The following GPHN variants were observed in gnomAD, a reference collection of about 807,000 sequenced individuals.
GPHN encodes the protein gephyrin.
In GPHN, 17 loss-of-function variants were observed where a neutral mutation model predicts 95.5. The ratio of observed to expected loss-of-function variants is 0.18; its 90% CI spans 0.12 to 0.27. GPHN has a LOEUF of 0.27. Among genes scored for constraint, GPHN ranks in the 10% least tolerant of loss-of-function variants. The pLI, the probability that GPHN is intolerant of heterozygous loss-of-function variation, is 1.00. For missense variants in GPHN, 660 were observed against 978.1 expected (o/e 0.67, Z 4.34); for synonymous variants, 320 against 322.5 (o/e 0.99, Z 0.08).
chr14:66,787,902 AAAGTCTTT>A (rs2059835319), intron 3 of GPHN, among the ~76,000 whole-genome samples: 2 of 151,894 alleles, frequency 1.3e-5, no homozygotes, highest in South Asian at 4.1e-4. Context: ...AAAAAAAGCA[AAAGTCTTT>A]ACGACCTGGG....
At chr14:66,635,108 A>T (rs561384680) in intron 1 of GPHN, among the ~76,000 whole-genome samples, 3 of 152,262 alleles carry the variant, frequency 2.0e-5, no homozygotes, top group Admixed American at 1.3e-4. Flanking sequence ...CAATGTTCAC[A>T]TGTTCTCTTG....
intron 4 of GPHN, among the ~76,000 whole-genome samples, chr14:66,863,668 A>G (rs2063119432): frequency 6.6e-6 from 1 of 152,194 alleles, no homozygotes; most frequent in South Asian, 2.1e-4. Flanking sequence ...AAATTTATAC[A>G]CCTACAGTGA....
chr14:67,512,284 T>G, the GPHN span, among the ~76,000 whole-genome samples: 2 of 152,134 alleles, frequency 1.3e-5, no homozygotes, highest in East Asian at 1.9e-4. Flanking sequence ...CAGCTTACAC[T>G]TTACTTTTCA....
the GPHN span, chr14:67,562,700 C>CA: frequency 6.2e-7 from 1 of 1,612,788 alleles, no homozygotes; most frequent in East Asian, 2.2e-5. Context: ...CTCAGCCCTC[C>CA]ACCCCTCTGG....
At chr14:67,003,084 GT>G (rs1217272811) in intron 9 of GPHN, among the ~76,000 whole-genome samples, 1 of 151,468 alleles carries the variant, frequency 6.6e-6, no homozygotes, top group Non-Finnish European at 1.5e-5. Context: ...ATCTTCTCCA[GT>G]TTTTCAATTG....
At chr14:67,126,091 A>G (rs961969695) in intron 17 of GPHN, among the ~76,000 whole-genome samples, 1 of 152,170 alleles carries the variant, frequency 6.6e-6, no homozygotes, top group Non-Finnish European at 1.5e-5. Flanking sequence ...AATACCTGAG[A>G]ATTAACAACT....
chr14:67,238,269 C>CTTT, the GPHN span, among the ~76,000 whole-genome samples: 120 of 125,222 alleles, frequency 9.6e-4, no homozygotes, highest in African/African-American at 3.6e-3. Flanking sequence ...TTCTTGCTTT[C>CTTT]TTTTTTTTTT....
At chr14:66,555,287 T>C (rs1417951376) in intron 1 of GPHN, among the ~76,000 whole-genome samples, 1 of 152,168 alleles carries the variant, frequency 6.6e-6, no homozygotes, top group Non-Finnish European at 1.5e-5. Context: ...TTGCATTAAG[T>C]TCTATAATAT....
intron 4 of GPHN, among the ~76,000 whole-genome samples, chr14:66,841,720 G>T (rs867066896): frequency 2.6e-5 from 4 of 152,046 alleles, no homozygotes; most frequent in Admixed American, 6.6e-5. Flanking sequence ...AGATATCCAA[G>T]TGGAGATACT....
the GPHN span, chr14:67,650,361 C>A: frequency 3.4e-6 from 1 of 295,474 alleles, no homozygotes; most frequent in South Asian, 4.0e-5. Flanking sequence ...CCTAGTCATA[C>A]TGGAGGTGGC....
At chr14:66,650,571 C>A (rs1167494380) in intron 1 of GPHN, among the ~76,000 whole-genome samples, 6 of 152,154 alleles carry the variant, frequency 3.9e-5, no homozygotes, top group African/African-American at 1.4e-4. Flanking sequence ...CATGGAGGCA[C>A]AACTGTTAGA....
At chr14:67,086,584 G>A (rs569838099) in intron 11 of GPHN, among the ~76,000 whole-genome samples, 8 of 150,752 alleles carry the variant, frequency 5.3e-5, no homozygotes, top group South Asian at 4.2e-4. Flanking sequence ...CCCAGGGGGC[G>A]GAGCCTGCAG....
intron 12 of GPHN, 40 bp from the exon 13 acceptor site, chr14:67,100,816 C>T: frequency 7.4e-7 from 1 of 1,343,066 alleles, no homozygotes; most frequent in South Asian, 1.2e-5. Flanking sequence ...TGCTGTAGGT[C>T]CATACTGATG....
chr14:66,928,861 G>C (rs374459139), intron 8 of GPHN, among the ~76,000 whole-genome samples: 3 of 151,952 alleles, frequency 2.0e-5, no homozygotes, highest in South Asian at 2.1e-4. Context: ...GTTTTATGCT[G>C]TTGTGGGTTA....
intron 12 of GPHN, among the ~76,000 whole-genome samples, chr14:67,099,717 T>A (rs569710354): frequency 1.3e-5 from 2 of 152,318 alleles, no homozygotes; most frequent in East Asian, 3.9e-4. Flanking sequence ...TTATAAACGG[T>A]GTTTTATATA....
intron 1 of GPHN, among the ~76,000 whole-genome samples, chr14:66,583,736 G>T (rs1289724190): frequency 2.6e-4 from 39 of 151,948 alleles, no homozygotes; most frequent in Admixed American, 7.9e-4. Context: ...TTCTGTTCCA[G>T]TGGTCTATAT....
the GPHN span, among the ~76,000 whole-genome samples, chr14:67,480,409 TG>T: frequency 1.2e-4 from 19 of 152,238 alleles, no homozygotes; most frequent in East Asian, 3.7e-3. Context: ...AGCTTCCCTG[TG>T]GCTACCGAGG....
the GPHN span, among the ~76,000 whole-genome samples, chr14:67,237,981 A>AG: frequency 0.21 from 32,027 of 152,022 alleles, 5,094 homozygotes; most frequent in East Asian, 0.45. Context: ...AGAGGCTACC[A>AG]AATCCTAAAA....
chr14:66,544,090 CTTCTA>C (rs1021369013), intron 1 of GPHN, among the ~76,000 whole-genome samples: 2 of 152,122 alleles, frequency 1.3e-5, no homozygotes, highest in African/African-American at 2.4e-5. Context: ...AGTCTTTCCA[CTTCTA>C]TTCTTTTCTT....
Sources: gnomAD v4.1 joint callset for allele counts (sites outside exome capture counted in the v4.1 genomes callset) on GRCh38, gnomAD v4.1.1 for gene constraint, MANE v1.5 for transcripts, NCBI Gene and HGNC (gene_info 2026-07-23, HGNC 2026-07-21) for gene names.